MAGI1: variants seen among roughly 807,000 people sequenced by gnomAD.
MAGI1 encodes the protein membrane associated guanylate kinase, WW and PDZ domain containing 1.
MAGI1 carries 58 observed loss-of-function variants against 139.9 expected under a neutral mutation model. That is an observed-to-expected ratio of 0.41 (90% CI 0.34 to 0.52). The LOEUF (loss-of-function observed/expected upper bound fraction) is 0.52, where lower values mean the gene tolerates loss of function less well. MAGI1 is among the 20% of genes least tolerant of loss of function. MAGI1 has a pLI of 0.12. For synonymous variants in MAGI1, 812 were observed against 737.9 expected (o/e 1.10, Z -1.63); for missense variants, 1,874 against 1,901.6 (o/e 0.99, Z 0.27).
chr3:65,969,980 G>C (rs9836085), intron 1 of MAGI1, among the ~76,000 whole-genome samples: 2 of 152,130 alleles, frequency 1.3e-5, no homozygotes, highest in Admixed American at 6.5e-5. Context: ...GGAATGAATA[G>C]GATTGGGCTC....
intron 3 of MAGI1, among the ~76,000 whole-genome samples, chr3:65,490,274 C>T (rs1259913779): frequency 6.6e-6 from 1 of 152,184 alleles, no homozygotes; most frequent in Non-Finnish European, 1.5e-5. Context: ...AGACATGCAG[C>T]ATTAAGCAAC....
At chr3:65,839,872 C>T (rs905091993) in intron 1 of MAGI1, among the ~76,000 whole-genome samples, 24 of 152,198 alleles carry the variant, frequency 1.6e-4, no homozygotes, top group African/African-American at 5.5e-4. Flanking sequence ...AGCATCTTTA[C>T]GACGTTGAGT....
intron 1 of MAGI1, among the ~76,000 whole-genome samples, chr3:65,657,516 G>C (rs952710710): frequency 6.6e-6 from 1 of 151,914 alleles, no homozygotes; most frequent in African/African-American, 2.4e-5. Context: ...ACACAACAGA[G>C]AGCAACATGG....
chr3:65,777,319 G>A (rs949209016), intron 1 of MAGI1, among the ~76,000 whole-genome samples: 1 of 152,016 alleles, frequency 6.6e-6, no homozygotes, highest in Non-Finnish European at 1.5e-5. Context: ...TTGCTGTGAG[G>A]GTTAAATTAG....
At chr3:65,726,607 G>C (rs1018413760) in intron 1 of MAGI1, among the ~76,000 whole-genome samples, 7 of 152,116 alleles carry the variant, frequency 4.6e-5, no homozygotes, top group Non-Finnish European at 5.9e-5. Flanking sequence ...AATGGCTAGA[G>C]AGAATTATTG....
chr3:65,839,516 A>T (rs1392355656), intron 1 of MAGI1, among the ~76,000 whole-genome samples: 5 of 152,318 alleles, frequency 3.3e-5, no homozygotes, highest in South Asian at 4.1e-4. Flanking sequence ...AAAGGCGCAA[A>T]CACATTCAAT....
At chr3:65,765,748 TCTA>T (rs2037416361) in intron 1 of MAGI1, among the ~76,000 whole-genome samples, 1 of 152,202 alleles carries the variant, frequency 6.6e-6, no homozygotes. Context: ...CCCCATGAAA[TCTA>T]CTGATATTTC....
At chr3:65,473,131 G>A (rs1950655192) in intron 4 of MAGI1, among the ~76,000 whole-genome samples, 1 of 152,112 alleles carries the variant, frequency 6.6e-6, no homozygotes, top group South Asian at 2.1e-4. Flanking sequence ...AGCCATAGTA[G>A]GTAGTTGCCA....
At chr3:65,398,193 T>C (rs1161729334) in intron 13 of MAGI1, among the ~76,000 whole-genome samples, 2 of 152,076 alleles carry the variant, frequency 1.3e-5, no homozygotes, top group East Asian at 1.9e-4. Flanking sequence ...GAAAGATGAA[T>C]ATGTAGGTGG....
intron 1 of MAGI1, among the ~76,000 whole-genome samples, chr3:65,801,706 A>G (rs557634628): frequency 6.6e-6 from 1 of 152,350 alleles, no homozygotes; most frequent in Non-Finnish European, 1.5e-5. Flanking sequence ...GGAACCTAAC[A>G]TGACAGTAAT....
At chr3:65,365,272 T>C in intron 18 of MAGI1, 1 of 521,032 alleles carries the variant, frequency 1.9e-6, no homozygotes, top group Non-Finnish European at 3.7e-6. Context: ...AAAAAGGCAG[T>C]CCCATCAAAG....
chr3:65,500,097 A>T (rs1310831264), intron 2 of MAGI1, among the ~76,000 whole-genome samples: 1 of 152,236 alleles, frequency 6.6e-6, no homozygotes, highest in Non-Finnish European at 1.5e-5. Context: ...AAGGTTTCCC[A>T]TCTCATAGAA....
intron 18 of MAGI1, among the ~76,000 whole-genome samples, chr3:65,372,478 G>C (rs746239424): frequency 2.6e-5 from 4 of 152,164 alleles, no homozygotes; most frequent in Non-Finnish European, 4.4e-5. Flanking sequence ...AAAGGTTCTA[G>C]GATTTTCAGA....
At chr3:65,949,060 T>C (rs796536277) in intron 1 of MAGI1, among the ~76,000 whole-genome samples, 6 of 152,314 alleles carry the variant, frequency 3.9e-5, no homozygotes, top group African/African-American at 1.4e-4. Flanking sequence ...AGACACTCTA[T>C]ATTCCTCAAA....
intron 2 of MAGI1, among the ~76,000 whole-genome samples, chr3:65,607,107 A>G (rs1423548780): frequency 6.6e-6 from 1 of 151,786 alleles, no homozygotes; most frequent in African/African-American, 2.4e-5. Flanking sequence ...ATATATGTAC[A>G]TGTTAAATAA....
chr3:65,500,772 A>T (rs547115856), intron 2 of MAGI1, among the ~76,000 whole-genome samples: 2 of 152,334 alleles, frequency 1.3e-5, no homozygotes, highest in East Asian at 3.9e-4. Flanking sequence ...GCCCACAAAG[A>T]TTACATTGTC....
chr3:65,495,933 G>A (rs1952400895), intron 2 of MAGI1, among the ~76,000 whole-genome samples: 1 of 152,156 alleles, frequency 6.6e-6, no homozygotes, highest in African/African-American at 2.4e-5. Context: ...ACGAAAGCAA[G>A]CGGCAAGATT....
intron 2 of MAGI1, among the ~76,000 whole-genome samples, chr3:65,598,370 T>A (rs2082328242): frequency 6.6e-6 from 1 of 151,842 alleles, no homozygotes; most frequent in Non-Finnish European, 1.5e-5. Context: ...AGTGCATGAG[T>A]GGGTGGGTGA....
intron 1 of MAGI1, among the ~76,000 whole-genome samples, chr3:65,993,213 C>G (rs1279289891): frequency 1.3e-5 from 2 of 152,168 alleles, no homozygotes; most frequent in African/African-American, 4.8e-5. Context: ...CCACATGGAG[C>G]TGCTTATAAA....
Sources: allele counts gnomAD v4.1 joint callset (sites outside exome capture counted in the v4.1 genomes callset), GRCh38; gene constraint gnomAD v4.1.1; transcripts MANE v1.5; gene names NCBI Gene and HGNC (gene_info 2026-07-23, HGNC 2026-07-21).